Variants in HK3 observed in about 807,000 individuals in gnomAD.
The protein encoded by HK3 is hexokinase 3.
In HK3, 93 loss-of-function variants were observed where a neutral mutation model predicts 91.0. The ratio of observed to expected loss-of-function variants is 1.02; its 90% CI spans 0.86 to 1.21. The LOEUF (loss-of-function observed/expected upper bound fraction) is 1.21. Among genes scored for constraint, HK3 ranks in the 50% most tolerant of loss-of-function variants. The pLI is 0.00. For synonymous variants in HK3, 519 were observed against 516.9 expected, an observed-to-expected ratio of 1.00 and a Z score of -0.06; for missense variants, 1,235 against 1,247.4, an observed-to-expected ratio of 0.99 and a Z score of 0.15.
chr5:176,885,000 A>G lies in HK3; in HGVS notation c.1858-866T>C, dbSNP rs1375381664. ...AAACAGAAAGCAGAGAATGTGATAG[A>G]GTGAGAGAAAGAACCCGTTTGAGAG... On this transcript the variant is annotated intron_variant, in intron 13 of 18. Transcript: ENST00000292432. The surrounding 1 kb of genome is among the most constrained non-coding windows in gnomAD (Gnocchi z 4.1). Among the ~76,000 whole-genome samples, 1 of 152,212 alleles carries G rather than the reference A, an allele frequency of 6.6e-6. No individual in the cohort carries two copies. Among genetic ancestry groups the G allele is most frequent in the Admixed American group, 6.5e-5 (1 of 15,280 alleles).
chr5:176,887,874 T>A lies in HK3; in HGVS notation c.1305-128A>T. 1 of 825,010 alleles carries A rather than the reference T, an allele frequency of 1.2e-6. No homozygotes were observed. Among genetic ancestry groups the A allele is most frequent in the Non-Finnish European group, 1.9e-6 (1 of 533,960 alleles). 51.1% of individuals were successfully genotyped at this position (825,010 alleles called of 1,614,324 possible). A position where few individuals can be genotyped will look rare whatever the true frequency, so the allele number is the denominator to read the frequency against. On this transcript the variant is annotated intron_variant, in intron 10 of 18. Coordinates refer to ENST00000292432, the MANE Select transcript of HK3 (RefSeq NM_002115.3). The surrounding 1 kb of genome is among the most constrained non-coding windows in gnomAD (Gnocchi z 4.9). ...AGCTTGGCCCCAGACCCCTAGGGCCTCCTGAAGCCCAAGGCCCCATCACTT... is the reference window on the plus strand; with the variant it reads ...AGCTTGGCCCCAGACCCCTAGGGCCACCTGAAGCCCAAGGCCCCATCACTT...
At position 176,881,339 on chromosome 5, in the gene HK3, C is replaced by T; in HGVS notation, c.2590G>A (p.Val864Met). 6.2e-7 allele frequency: 1 copy of T among 1,614,042 alleles called. No individual in the cohort carries two copies. ...TTGTAGAGCGTTCCATCCACCCCCA[C>T]AGACACTGCCAGCTCTTCCAGGCCC... ...NRGLEELAVSVGVDGTLYKLH... is the reference protein window; with the variant it reads ...NRGLEELAVSMGVDGTLYKLH... Residue 864 changes from valine to methionine, a missense_variant, in exon 18 of 19, where the codon GTG becomes ATG. Coordinates refer to ENST00000292432, the MANE Select transcript of HK3 (RefSeq NM_002115.3).
In HK3 at chr5:176,881,381, TCTC is replaced by T. The variant is rs776378768; in HGVS notation, c.2545_2547del (p.Glu849del). On this transcript the variant is annotated inframe_deletion, in exon 18 of 19. Transcript: ENST00000292432. ...TCCAGGCCCCGGTTCTCCCGGATCTTCTCCACCACGGCAGCTACACCCGCCCCA... is the reference window on the plus strand; with the variant it reads ...TCCAGGCCCCGGTTCTCCCGGATCTTCACCACGGCAGCTACACCCGCCCCA... 8.3e-5 allele frequency: 134 copies of T among 1,613,652 alleles called. 1 individual carries two copies. Among genetic ancestry groups the T allele is most frequent in the Admixed American group, 3.5e-4 (21 of 60,006 alleles).
rs202094136 is a variant in HK3 at position 176,888,704 on chromosome 5, C to T, written c.1070+5G>A. 1.2e-5 allele frequency: 20 copies of T among 1,614,226 alleles called. No homozygotes were observed. Among genetic ancestry groups the T allele is most frequent in the Non-Finnish European group, 1.4e-5 (17 of 1,180,032 alleles). ...CCCCACTAAACCACCATCTCCCCGA[C>T]TCACTCCTCCATCTCAGCCACGTGT... On this transcript the variant is annotated splice_donor_5th_base_variant and intron_variant, in intron 9 of 18. Coordinates refer to ENST00000292432, the MANE Select transcript of HK3 (RefSeq NM_002115.3).
chr5:176,890,647 A>C lies in HK3; in HGVS notation c.618T>G (p.Ile206Met). 6.2e-7 allele frequency: 1 copy of C among 1,614,026 alleles called. No homozygotes were observed. Among genetic ancestry groups the C allele is most frequent in the Non-Finnish European group, 8.5e-7 (1 of 1,179,918 alleles). The change falls in exon 6 of 19, where the codon ATT (isoleucine) becomes ATG (methionine). Residue 206 changes from isoleucine (I) to methionine (M), a missense_variant. Transcript: ENST00000292432. ...QDVVQLLRDA[I>M]RRQGAYNIDV... is the part of the protein sequence containing the mutation. Reference sequence around the variant, plus strand: ...TCCCTCCACTCACCCCCTGCCTCCGAATGGCATCTCTCAGCAGCTGGACCA... The same window carrying C: ...TCCCTCCACTCACCCCCTGCCTCCGCATGGCATCTCTCAGCAGCTGGACCA...
Position 176,897,219 on chromosome 5 carries a change from G to C in HK3, c.-26-1034C>G, listed in dbSNP as rs149361550. Reference sequence around the variant, plus strand: ...CTATAACATGAAAAGCTCAGTTCTTGTGAGGATTAAAGGAGTTAGTGGTCC... The same window carrying C: ...CTATAACATGAAAAGCTCAGTTCTTCTGAGGATTAAAGGAGTTAGTGGTCC... On this transcript the variant is annotated intron_variant, in intron 1 of 18. Coordinates refer to ENST00000292432, the MANE Select transcript of HK3 (RefSeq NM_002115.3). 9.0e-3 allele frequency among the ~76,000 whole-genome samples: 1,378 copies of C among 152,290 alleles called. 8 individuals are homozygous for C. The highest frequency in any genetic ancestry group is 0.024 in the South Asian group (115 of 4,828).
At chr5:176,881,597 C>T in intron 17 of HK3, 62 bp from the exon 18 acceptor site, 3 of 1,587,076 alleles carry the variant, frequency 1.9e-6, no homozygotes, top group East Asian at 2.2e-5. Context: ...ACTTCATCCT[C>T]CAGAGCAGAC....
chr5:176,887,053 G>A lies in HK3; in HGVS notation c.1806C>T (p.Leu602=). ...QQKQGLSGQS[L]PLGFTFSFPC... ...GGAAGGAGAAGGTAAAACCCAGTGG[G>A]AGGCTCTGCCCGCTCAGGCCCTGCT... The change falls in exon 13 of 19, where the codon CTC becomes CTT. Residue 602 remains leucine (L), a synonymous_variant. Transcript: ENST00000292432. This position sits in a 1 kb window ranked among gnomAD's most constrained non-coding sequence, Gnocchi z 4.9. 6.2e-7 allele frequency: 1 copy of A among 1,614,210 alleles called. No individual in the cohort carries two copies.
At position 176,888,716 on chromosome 5, in the gene HK3, T is replaced by C; in HGVS notation, c.1063A>G (p.Met355Val). ...GSILLEHVAEMEDPSTGAARV... is the reference protein window; with the variant it reads ...GSILLEHVAEVEDPSTGAARV... The stretch of plus-strand genomic sequence containing the variant: ...ACCATCTCCCCGACTCACTCCTCCA[T>C]CTCAGCCACGTGTTCCAGGAGGATG... The change falls in exon 9 of 19, where the codon ATG (methionine) becomes GTG (valine). Residue 355 changes from methionine to valine, a missense_variant. Met to Val is a conservative substitution (Grantham distance 21). Around this residue, in one of 3 missense-constraint regions of HK3, gnomAD observed 717 missense variants for 751.6 expected, o/e 0.95. Transcript: ENST00000292432. 1 of 1,614,160 alleles carries C rather than the reference T, an allele frequency of 6.2e-7. No homozygotes were observed.
Position 176,881,731 on chromosome 5 carries a change from C to T in HK3, c.2354G>A (p.Arg785Lys). 2 of 1,614,176 alleles carry T rather than the reference C, an allele frequency of 1.2e-6. No homozygotes were observed. The highest frequency in any genetic ancestry group is 1.7e-6 in the Non-Finnish European group (2 of 1,180,042). The change falls in exon 17 of 19, where the codon AGG (arginine) becomes AAG (lysine). Residue 785 changes from arginine to lysine, a missense_variant. Physicochemically the swap from Arg to Lys is conservative, Grantham distance 26. Coordinates refer to ENST00000292432, the MANE Select transcript of HK3 (RefSeq NM_002115.3). ...GAGGAACTTGGTCTTGAAGATGTCC[C>T]TGGTCTGAAGGCGCTGGATCTGCTG... ...RGQQIQRLQT[R>K]DIFKTKFLSE... is the part of the protein sequence containing the mutation.
Position 176,888,445 on chromosome 5 carries a change from C to G in HK3, c.1191G>C (p.Gln397His), listed in dbSNP as rs1351558309. 2 of 1,556,874 alleles carry G rather than the reference C, an allele frequency of 1.3e-6. No homozygotes were observed. Among genetic ancestry groups the G allele is most frequent in the Non-Finnish European group, 1.7e-6 (2 of 1,149,802 alleles). The change falls in exon 10 of 19, where the codon CAG becomes CAC. Residue 397 changes from glutamine (Q) to histidine (H), a missense_variant. Coordinates refer to ENST00000292432, the MANE Select transcript of HK3 (RefSeq NM_002115.3). Reference protein sequence around the residue: ...VCAAVCTRAAQLCAAALAAVL... With the variant: ...VCAAVCTRAAHLCAAALAAVL... ...CAGCGGCCAGGGCGGCAGCACAGAGCTGGGCAGCCCGCGTGCACACGGCCG... is the reference window on the plus strand; with the variant it reads ...CAGCGGCCAGGGCGGCAGCACAGAGGTGGGCAGCCCGCGTGCACACGGCCG...
rs746866653 is a variant in HK3, at chr5:176,881,422, G to A, written c.2507C>T (p.Ala836Val). ...TACACCCGCCCCACAGAGCTGGGCA[G>A]CCCTCTGGGACACAGCCTGGCACAC... ...LEVCQAVSQR[A>V]AQLCGAGVAA... The change falls in exon 18 of 19, where the codon GCT becomes GTT. Residue 836 changes from alanine (A) to valine (V), a missense_variant. Around this residue, in one of 3 missense-constraint regions of HK3, gnomAD observed 513 missense variants for 477.4 expected, o/e 1.07. Coordinates refer to ENST00000292432, the MANE Select transcript of HK3 (RefSeq NM_002115.3). The A allele has an allele frequency of 2.5e-6, 4 of 1,612,472 alleles. No homozygotes were observed. The highest frequency in any genetic ancestry group is 8.5e-7 in the Non-Finnish European group (1 of 1,180,022).
chr5:176,885,582 C>T (rs938277847), intron 13 of HK3, among the ~76,000 whole-genome samples: 6 of 151,924 alleles, frequency 3.9e-5, no homozygotes, highest in Admixed American at 6.6e-5. Flanking sequence ...CTGCCACGCC[C>T]GGCTAATTTT....
chr5:176,888,297 G>GC, intron 10 of HK3, 35 bp downstream of exon 10: 1 of 1,511,890 alleles, frequency 6.6e-7, no homozygotes, highest in Non-Finnish European at 9.0e-7. Flanking sequence ...ACGTGTTCAT[G>GC]CCAACTAATC....
chr5:176,891,011 C>T (rs1277737266), intron 4 of HK3, 26 bp downstream of exon 4: 1 of 1,613,810 alleles, frequency 6.2e-7, no homozygotes, highest in Non-Finnish European at 8.5e-7. Flanking sequence ...CCCCCAGACC[C>T]CAGAGGCTGG....
At chr5:176,883,055 C>G (rs768956807) in intron 15 of HK3, among the ~76,000 whole-genome samples, 4 of 152,212 alleles carry the variant, frequency 2.6e-5, no homozygotes, top group Non-Finnish European at 4.4e-5. Context: ...TCCACTCATC[C>G]TGGGACCCAC....
rs748527973 is a variant in HK3, at chr5:176,883,872, G to A, written c.1954-3C>T. ...GCAACCACATTCAGCTCCACTGCCT[G>A]CACACAAAAGGATGCTGCTAGTTGC... On this transcript the variant is annotated splice_region_variant and splice_polypyrimidine_tract_variant and intron_variant, in intron 14 of 18. Transcript: ENST00000292432. The A allele has an allele frequency of 4.3e-6, 7 of 1,613,660 alleles. No homozygotes were observed. The highest frequency in any genetic ancestry group is 5.9e-6 in the Non-Finnish European group (7 of 1,179,758).
intron 10 of HK3, 31 bp downstream of exon 10, chr5:176,888,301 A>G (rs375064890): frequency 1.5e-5 from 23 of 1,526,598 alleles, no homozygotes; most frequent in African/African-American, 2.8e-5. Flanking sequence ...GTTCATGCCA[A>G]CTAATCATGC....
In HK3 at chr5:176,881,020, C is replaced by A. The variant is rs1043518863; in HGVS notation, c.*53G>T. On this transcript the variant is annotated 3_prime_UTR_variant, in exon 19 of 19. Transcript: ENST00000292432. ...GCCTGGCTGGGAAACAGGCAGACCC[C>A]GACCCGGCTCCAGCAAGGCTGCGGC... The A allele has an allele frequency of 2.0e-6, 3 of 1,530,718 alleles. No individual in the cohort carries two copies. The highest frequency in any genetic ancestry group is 2.6e-6 in the Non-Finnish European group (3 of 1,140,812). The allele number at this position is 1,530,718 out of a possible 1,614,324, so 94.8% of individuals were successfully genotyped here.
Sources: allele counts gnomAD v4.1 joint callset (sites outside exome capture counted in the v4.1 genomes callset), GRCh38; gene constraint gnomAD v4.1.1; regional missense constraint gnomAD v4.1.1; non-coding constraint Gnocchi (gnomAD v3.1); transcripts MANE v1.5; gene names NCBI Gene and HGNC (gene_info 2026-07-23, HGNC 2026-07-21).